PTPRM: variants seen among roughly 807,000 people sequenced by gnomAD.
PTPRM encodes the protein receptor-type tyrosine-protein phosphatase mu.
In PTPRM, 47 loss-of-function variants were observed where a neutral mutation model predicts 186.7. That is an observed-to-expected ratio of 0.25 (90% CI 0.20 to 0.32). The LOEUF is 0.32. PTPRM is among the 10% of genes least tolerant of loss of function. The pLI is 1.00. For missense variants in PTPRM, 1,494 were observed against 1,865.0 expected, an observed-to-expected ratio of 0.80 and a Z score of 3.66; for synonymous variants, 668 against 674.9, an observed-to-expected ratio of 0.99 and a Z score of 0.16.
intron 2 of PTPRM, among the ~76,000 whole-genome samples, chr18:7,805,155 C>G (rs1182444679): frequency 6.6e-6 from 1 of 152,276 alleles, no homozygotes; most frequent in African/African-American, 2.4e-5. Context: ...CAACACATCT[C>G]TGCAGATGAC....
intron 1 of PTPRM, among the ~76,000 whole-genome samples, chr18:7,569,277 T>C (rs1040808960): frequency 3.9e-5 from 6 of 152,206 alleles, no homozygotes; most frequent in African/African-American, 9.6e-5. Context: ...GGACCCTTGA[T>C]CACAGTTGGC....
At chr18:8,171,562 G>A (rs1173111403) in intron 14 of PTPRM, among the ~76,000 whole-genome samples, 1 of 152,166 alleles carries the variant, frequency 6.6e-6, no homozygotes, top group African/African-American at 2.4e-5. Context: ...ATGGCAGTTT[G>A]GGGGTAAATG....
At chr18:8,293,566 G>A (rs1314941435) in intron 19 of PTPRM, among the ~76,000 whole-genome samples, 1 of 152,170 alleles carries the variant, frequency 6.6e-6, no homozygotes, top group East Asian at 1.9e-4. Flanking sequence ...TTAGATGGGT[G>A]GAAAAGGCAG....
intron 2 of PTPRM, among the ~76,000 whole-genome samples, chr18:7,826,909 C>G (rs1281630474): frequency 6.6e-6 from 1 of 151,962 alleles, no homozygotes; most frequent in Non-Finnish European, 1.5e-5. Flanking sequence ...GCCTGGACAA[C>G]ATGGTTATAT....
chr18:8,244,562 G>A (rs2094460619), intron 15 of PTPRM, among the ~76,000 whole-genome samples: 1 of 152,164 alleles, frequency 6.6e-6, no homozygotes, highest in Non-Finnish European at 1.5e-5. Context: ...AATTACACAT[G>A]GGAAGCCTGT....
rs557688174 is a variant in PTPRM at position 7,578,578 on chromosome 18, G to A, written c.73+10687G>A. Among the ~76,000 whole-genome samples, 27 of 151,604 alleles carry A rather than the reference G, an allele frequency of 1.8e-4. No individual in the cohort carries two copies. In the East Asian group the frequency reaches 2.1e-3, roughly 12 times the overall value. On this transcript the variant is annotated intron_variant, in intron 1 of 32. Coordinates refer to ENST00000580170, the MANE Select transcript of PTPRM (RefSeq NM_001105244.2). ...TCTCGATCTCCTGACCTCGTGATCC[G>A]CCCACCTTGGCCTCCCAAAGTGCTG...
intron 5 of PTPRM, among the ~76,000 whole-genome samples, chr18:7,941,966 A>T (rs2052203621): frequency 6.6e-6 from 1 of 152,232 alleles, no homozygotes; most frequent in South Asian, 2.1e-4. Context: ...AACAAAAGAC[A>T]GATTAACAAG....
At chr18:7,702,261 G>A (rs2039983380) in intron 1 of PTPRM, among the ~76,000 whole-genome samples, 1 of 152,112 alleles carries the variant, frequency 6.6e-6, no homozygotes, top group African/African-American at 2.4e-5. Context: ...TTGAGGAATC[G>A]CCACACTGTC....
intron 14 of PTPRM, among the ~76,000 whole-genome samples, chr18:8,206,229 A>C (rs932584426): frequency 7.5e-6 from 1 of 132,490 alleles, no homozygotes; most frequent in Admixed American, 8.1e-5. Context: ...AGGCACAAAA[A>C]GACTTTATCA....
intron 1 of PTPRM, among the ~76,000 whole-genome samples, chr18:7,645,194 T>G (rs940596151): frequency 2.0e-5 from 3 of 152,202 alleles, no homozygotes; most frequent in African/African-American, 7.2e-5. Flanking sequence ...TAATTAAATA[T>G]TAAATAATTA....
chr18:7,939,583 G>T (rs78500905), intron 5 of PTPRM, among the ~76,000 whole-genome samples: 1 of 152,086 alleles, frequency 6.6e-6, no homozygotes, highest in Non-Finnish European at 1.5e-5. Flanking sequence ...CTTTTATAAA[G>T]AGCTGTATTT....
intron 5 of PTPRM, among the ~76,000 whole-genome samples, chr18:7,933,790 G>C (rs2051631607): frequency 6.6e-6 from 1 of 152,200 alleles, no homozygotes; most frequent in Non-Finnish European, 1.5e-5. Flanking sequence ...TTCCTGTTCA[G>C]AGGATGGTCT....
chr18:8,217,406 C>A (rs2094102693), intron 14 of PTPRM, among the ~76,000 whole-genome samples: 1 of 152,180 alleles, frequency 6.6e-6, no homozygotes. Context: ...GGGAATTTAA[C>A]CACAGATATT....
intron 7 of PTPRM, among the ~76,000 whole-genome samples, chr18:7,984,457 C>T (rs2147496171): frequency 6.6e-6 from 1 of 151,260 alleles, no homozygotes; most frequent in South Asian, 2.1e-4. Context: ...AATTGAAAAT[C>T]TGTACAGCTG....
At chr18:8,088,690 C>G (rs1350623772) in intron 10 of PTPRM, 59 bp from the exon 11 acceptor site, 1 of 1,378,166 alleles carries the variant, frequency 7.3e-7, no homozygotes, top group Non-Finnish European at 1.0e-6. Flanking sequence ...AAAGTGGAAA[C>G]TAAACTGAGA....
At chr18:8,390,002 A>G (rs1009314012) in intron 31 of PTPRM, among the ~76,000 whole-genome samples, 1 of 152,242 alleles carries the variant, frequency 6.6e-6, no homozygotes, top group African/African-American at 2.4e-5. Flanking sequence ...AGATTTCACC[A>G]CTTTGCAACT....
At chr18:7,964,320 T>C (rs976077878) in intron 7 of PTPRM, among the ~76,000 whole-genome samples, 8 of 152,236 alleles carry the variant, frequency 5.3e-5, no homozygotes, top group African/African-American at 1.7e-4. Context: ...GGAAACTTCT[T>C]TCACTTTATA....
chr18:7,911,996 G>T (rs1033684453), intron 4 of PTPRM, among the ~76,000 whole-genome samples: 1 of 151,794 alleles, frequency 6.6e-6, no homozygotes, highest in Non-Finnish European at 1.5e-5. Flanking sequence ...GTGATTACAG[G>T]TGTCTGCCAC....
chr18:7,626,748 A>C (rs2038071953), intron 1 of PTPRM, among the ~76,000 whole-genome samples: 1 of 152,186 alleles, frequency 6.6e-6, no homozygotes. Context: ...GCTGGAGTGC[A>C]GTGGTGCAAT....
Sources: gnomAD v4.1 joint callset for allele counts (sites outside exome capture counted in the v4.1 genomes callset) on GRCh38, gnomAD v4.1.1 for gene constraint, MANE v1.5 for transcripts, NCBI Gene and HGNC (gene_info 2026-07-23, HGNC 2026-07-21) for gene names.